The following ADGRG4 variants were observed in gnomAD, a reference collection of about 807,000 sequenced individuals.
ADGRG4 encodes the protein G protein-coupled receptor 112.
A neutral mutation model predicts 126.2 loss-of-function variants in ADGRG4; 122 were observed. That is an observed-to-expected ratio of 0.97 (90% CI 0.83 to 1.12). ADGRG4 has a LOEUF of 1.12. ADGRG4 is among the 50% of genes most tolerant of loss of function. ADGRG4 has a pLI of 0.00. For synonymous variants in ADGRG4, 943 were observed against 838.7 expected, an observed-to-expected ratio of 1.12 and a Z score of -2.15; for missense variants, 2,481 against 2,251.8, an observed-to-expected ratio of 1.10 and a Z score of -2.06.
chrX:136,374,233 A>G (rs926812110), intron 15 of ADGRG4, among the ~76,000 whole-genome samples: 1 of 109,601 alleles, frequency 9.1e-6, no homozygotes, highest in Non-Finnish European at 1.9e-5. Flanking sequence ...TAATATTCCA[A>G]CGACTGGGTA....
At chrX:136,318,671 G>T (rs1313741444) in intron 4 of ADGRG4, among the ~76,000 whole-genome samples, 1 of 110,630 alleles carries the variant, frequency 9.0e-6, no homozygotes, top group South Asian at 3.8e-4. Flanking sequence ...GAAAAGCAGG[G>T]GACCCAATTT....
chrX:136,342,679 C>A (rs1225297354), intron 5 of ADGRG4, among the ~76,000 whole-genome samples: 2 of 109,122 alleles, frequency 1.8e-5, no homozygotes, highest in Non-Finnish European at 3.8e-5. Flanking sequence ...ACAGCAAATG[C>A]AATGGTCTTG....
At chrX:136,367,177 C>T (rs753517118) in intron 13 of ADGRG4, among the ~76,000 whole-genome samples, 15 of 112,235 alleles carry the variant, frequency 1.3e-4, no homozygotes, top group African/African-American at 4.5e-4. Flanking sequence ...GAAATTGAGG[C>T]ACAGGCATTC....
chrX:136,324,950 T>C, intron 5 of ADGRG4, among the ~76,000 whole-genome samples: 1 of 111,924 alleles, frequency 8.9e-6, no homozygotes, highest in Non-Finnish European at 1.9e-5. Flanking sequence ...GTAAGGAACC[T>C]GGCTTCTTGG....
At position 136,338,250 on chromosome X, in the gene ADGRG4, C is replaced by T. The variant is rs749602525; in HGVS notation, c.686-6142C>T. 2.7e-5 allele frequency among the ~76,000 whole-genome samples: 3 copies of T among 109,227 alleles called. No homozygotes were observed. The South Asian group carries it at 1.2e-3, about 45-fold the overall frequency. 94.9% of individuals were successfully genotyped at this position (109,227 alleles called of 115,157 possible). ...TTGGCTCACAGCAACCTCCGTCTCC[C>T]GGGTTCAAGGGATTCTCATACCTCA... On this transcript the variant is annotated intron_variant, in intron 5 of 25. Transcript: ENST00000394143.
At chrX:136,325,175 G>A (rs2074864598) in intron 5 of ADGRG4, among the ~76,000 whole-genome samples, 1 of 111,699 alleles carries the variant, frequency 9.0e-6, no homozygotes. Context: ...ATTGACTGTT[G>A]TTATGGGTTT....
At position 136,412,353 on chromosome X, in the gene ADGRG4, G is replaced by A; in HGVS notation, c.9024G>A (p.Leu3008=). ...QIHLCCGWLR[L]DNSSDGSSRC... ...ACCTCTGCTGTGGGTGGTTGCGATTGGATAACTCTTCTGGTAAGATGTCAG... is the reference window on the plus strand; with the variant it reads ...ACCTCTGCTGTGGGTGGTTGCGATTAGATAACTCTTCTGGTAAGATGTCAG... Residue 3008 remains leucine (L), a synonymous_variant, in exon 24 of 26, where the codon TTG becomes TTA. Coordinates refer to ENST00000394143, the MANE Select transcript of ADGRG4 (RefSeq NM_153834.4). 1 of 1,153,590 alleles carries A rather than the reference G, an allele frequency of 8.7e-7. No individual in the cohort carries two copies. The highest frequency in any genetic ancestry group is 1.2e-6 in the Non-Finnish European group (1 of 842,220).
At chrX:136,334,230 T>C (rs187116605) in intron 5 of ADGRG4, among the ~76,000 whole-genome samples, 7 of 110,763 alleles carry the variant, frequency 6.3e-5, no homozygotes, top group Non-Finnish European at 1.3e-4. Context: ...TGAGTTGATT[T>C]TGTACCTTTG....
At position 136,333,195 on chromosome X, in the gene ADGRG4, G is replaced by A. The variant is rs1453528989; in HGVS notation, c.685+9803G>A. 3.6e-5 allele frequency among the ~76,000 whole-genome samples: 4 copies of A among 111,166 alleles called. No individual in the cohort carries two copies. In the East Asian group the frequency reaches 1.1e-3, roughly 31 times the overall value. The stretch of plus-strand genomic sequence containing the variant: ...CCTTATACAAAAATCAATTCAAGAT[G>A]GATTAAAGACTTAAACGTTAGACCT... On this transcript the variant is annotated intron_variant, in intron 5 of 25. Transcript: ENST00000394143.
intron 4 of ADGRG4, among the ~76,000 whole-genome samples, chrX:136,316,624 C>T (rs893078106): frequency 9.0e-5 from 10 of 110,597 alleles, no homozygotes; most frequent in African/African-American, 2.3e-4. Flanking sequence ...TCTGCCACCA[C>T]GCCTGGCTAA....
chrX:136,388,488 G>C (rs2075303285), intron 16 of ADGRG4, among the ~76,000 whole-genome samples: 1 of 112,324 alleles, frequency 8.9e-6, no homozygotes, highest in Non-Finnish European at 1.9e-5. Flanking sequence ...ACCTTCATGT[G>C]CCTTAATTTC....
In ADGRG4 at chrX:136,323,038, C is replaced by T. The variant is rs374820774; in HGVS notation, c.331C>T (p.Arg111Cys). 12 of 1,209,734 alleles carry T rather than the reference C, an allele frequency of 9.9e-6. No homozygotes were observed. The highest frequency in any genetic ancestry group is 3.5e-5 in the African/African-American group (2 of 57,137). ...LYRLGKTFSI[R>C]HHLASFQWHT... ...CAGATTGGGAAAGACCTTTTCTATCCGTCACCACCTGGCTTCATTTCAATG... is the reference window on the plus strand; with the variant it reads ...CAGATTGGGAAAGACCTTTTCTATCTGTCACCACCTGGCTTCATTTCAATG... The change falls in exon 5 of 26, where the codon CGT becomes TGT. Residue 111 changes from arginine to cysteine, a missense_variant. By Grantham distance (180) the Arg-to-Cys change is radical. Coordinates refer to ENST00000394143, the MANE Select transcript of ADGRG4 (RefSeq NM_153834.4).
chrX:136,361,442 A>G lies in ADGRG4; in HGVS notation c.7145-13A>G, dbSNP rs1414710078. 8.9e-7 allele frequency: 1 copy of G among 1,125,142 alleles called. No homozygotes were observed. The highest frequency in any genetic ancestry group is 1.2e-6 in the Non-Finnish European group (1 of 845,519). The allele number at this position is 1,125,142 out of a possible 1,213,427, so 92.7% of individuals were successfully genotyped here. ...CTCTTGTCCTTTAAAATGTGCATAC[A>G]TTTTCTCTGTAGAGCCTGGAAATTG... On this transcript the variant is annotated splice_polypyrimidine_tract_variant and intron_variant, in intron 11 of 25. Coordinates refer to ENST00000394143, the MANE Select transcript of ADGRG4 (RefSeq NM_153834.4).
chrX:136,395,618 C>T, intron 19 of ADGRG4, 125 bp downstream of exon 19: 1 of 386,816 alleles, frequency 2.6e-6, no homozygotes, highest in East Asian at 4.3e-5. Flanking sequence ...CCAATTTGTT[C>T]ATCCAAAGTA....
At chrX:136,360,740 TAACA>T (rs1320515113) in intron 11 of ADGRG4, among the ~76,000 whole-genome samples, 4 of 109,746 alleles carry the variant, frequency 3.6e-5, no homozygotes, top group African/African-American at 6.7e-5. Flanking sequence ...AGACCTCATA[TAACA>T]AACAAACAAA....
rs2075389086 is a variant in ADGRG4, at chrX:136,403,300, A to G, written c.8632A>G (p.Thr2878Ala). ...TVSVKKDLYGTLSPTTPFCWI... is the reference protein window; with the variant it reads ...TVSVKKDLYGALSPTTPFCWI... ...CAGTGTGAAAAAAGATCTGTATGGA[A>G]CTCTGAGCCCAACAACTCCGTTGTA... The change falls in exon 22 of 26, where the codon ACT becomes GCT. Residue 2878 changes from threonine to alanine, a missense_variant. Transcript: ENST00000394143. 1 of 1,204,443 alleles carries G rather than the reference A, an allele frequency of 8.3e-7. No individual in the cohort carries two copies. The highest frequency in any genetic ancestry group is 1.1e-6 in the Non-Finnish European group (1 of 890,626).
chrX:136,367,425 C>T lies in ADGRG4; in HGVS notation c.7396+3830C>T, dbSNP rs563680810. On this transcript the variant is annotated intron_variant, in intron 13 of 25. Coordinates refer to ENST00000394143, the MANE Select transcript of ADGRG4 (RefSeq NM_153834.4). ...AGGGTTTGTGTTTCACACTGACCTCCGTCCTTCTGAGTGACACATTTTCTT... is the reference window on the plus strand; with the variant it reads ...AGGGTTTGTGTTTCACACTGACCTCTGTCCTTCTGAGTGACACATTTTCTT... Among the ~76,000 whole-genome samples the T allele has an allele frequency of 2.0e-4, 23 of 112,431 alleles. No individual in the cohort carries two copies. In the South Asian group the frequency reaches 5.2e-3, roughly 25 times the overall value.
chrX:136,384,065 T>A lies in ADGRG4; in HGVS notation c.7777-3675T>A, dbSNP rs560444865. Among the ~76,000 whole-genome samples, 58 of 108,955 alleles carry A rather than the reference T, an allele frequency of 5.3e-4. 1 individual carries two copies. In the South Asian group the frequency reaches 0.01, roughly 19 times the overall value. The allele number at this position is 108,955 out of a possible 115,157, so 94.6% of individuals were successfully genotyped here. On this transcript the variant is annotated intron_variant, in intron 15 of 25. Transcript: ENST00000394143. ...TGCCACCACGCATGGGCTGTTGTTTTTTTATTTATTTATTTTTTTATTTTT... is the reference window on the plus strand; with the variant it reads ...TGCCACCACGCATGGGCTGTTGTTTATTTATTTATTTATTTTTTTATTTTT...
intron 7 of ADGRG4, among the ~76,000 whole-genome samples, chrX:136,352,447 C>A (rs1009730695): frequency 9.1e-5 from 10 of 109,472 alleles, no homozygotes; most frequent in Admixed American, 8.8e-4. Context: ...AAAAGGATTG[C>A]GTGAGCCAAG....
Sources: allele counts gnomAD v4.1 joint callset (sites outside exome capture counted in the v4.1 genomes callset), GRCh38; gene constraint gnomAD v4.1.1; transcripts MANE v1.5; gene names NCBI Gene and HGNC (gene_info 2026-07-23, HGNC 2026-07-21).